NBAS: variants seen among roughly 807,000 people sequenced by gnomAD.
NBAS encodes NAG/BC035112 fusion.
NBAS carries 219 observed loss-of-function variants against 302.5 expected under a neutral mutation model. That is an observed-to-expected ratio of 0.72 (90% CI 0.65 to 0.81). The LOEUF is 0.81. NBAS is among the 30% of genes least tolerant of loss of function. The pLI is 0.00. For synonymous variants in NBAS, 1,118 were observed against 1,021.6 expected, an observed-to-expected ratio of 1.09 and a Z score of -1.80; for missense variants, 2,932 against 2,841.6, an observed-to-expected ratio of 1.03 and a Z score of -0.72.
At chr2:15,479,818 G>T (rs1368272327) in intron 12 of NBAS, among the ~76,000 whole-genome samples, 3 of 152,138 alleles carry the variant, frequency 2.0e-5, no homozygotes, top group African/African-American at 7.2e-5. Flanking sequence ...GTGAAGATGT[G>T]TTCTTCTGTT....
chr2:15,041,035 A>G, the NBAS span, among the ~76,000 whole-genome samples: 8 of 152,274 alleles, frequency 5.3e-5, no homozygotes, highest in African/African-American at 1.9e-4. Flanking sequence ...CCAAAGCTCA[A>G]CTGTGATCAC....
rs1671129088 is a variant in NBAS, at chr2:15,308,476, G to T, written c.4660-123C>A. The T allele has an allele frequency of 4.9e-6, 6 of 1,214,114 alleles. No individual in the cohort carries two copies. In the South Asian group the frequency reaches 8.0e-5, roughly 16 times the overall value. The allele number at this position is 1,214,114 out of a possible 1,614,324, so 75.2% of individuals were successfully genotyped here. A position where few individuals can be genotyped will look rare whatever the true frequency, so the allele number is the denominator to read the frequency against. On this transcript the variant is annotated intron_variant, in intron 39 of 51. Transcript: ENST00000281513. ...CAAAGTTCCCATTACATCAACTCAA[G>T]CTCAAGATCAACTTAATAATGACTA...
intron 38 of NBAS, among the ~76,000 whole-genome samples, chr2:15,326,627 T>C (rs554391647): frequency 2.0e-4 from 31 of 152,270 alleles, no homozygotes; most frequent in East Asian, 1.9e-4. Context: ...ATTTCAACTG[T>C]AATTGTAATA....
intron 44 of NBAS, among the ~76,000 whole-genome samples, chr2:15,250,660 G>A (rs1389747966): frequency 6.6e-6 from 1 of 152,176 alleles, no homozygotes; most frequent in Non-Finnish European, 1.5e-5. Context: ...GATATGAACA[G>A]ACACATCTCA....
At chr2:15,204,609 C>A (rs1666051758) in intron 48 of NBAS, among the ~76,000 whole-genome samples, 1 of 152,096 alleles carries the variant, frequency 6.6e-6, no homozygotes, top group African/African-American at 2.4e-5. Context: ...GGAACCAACC[C>A]AAATGTCTAC....
rs1436952190 is a variant in NBAS, at chr2:15,541,954, G to A, written c.380-2598C>T. Among the ~76,000 whole-genome samples the A allele has an allele frequency of 4.2e-3, 302 of 72,558 alleles. 94 individuals are homozygous for A. The highest frequency in any genetic ancestry group is 8.5e-3 in the Non-Finnish European group (262 of 30,724). The allele number at this position is 72,558 out of a possible 152,430, so 47.6% of individuals were successfully genotyped here. A position where few individuals can be genotyped will look rare whatever the true frequency, so the allele number is the denominator to read the frequency against. On this transcript the variant is annotated intron_variant, in intron 6 of 51. Transcript: ENST00000281513. ...CAGCCGCCCCGTCCGGGAGGGAGGT[G>A]GGGGGGTCAGCCCCCCGACCGGCCA...
chr2:15,080,198 G>A, the NBAS span, among the ~76,000 whole-genome samples: 4 of 152,146 alleles, frequency 2.6e-5, no homozygotes, highest in South Asian at 2.1e-4. Flanking sequence ...AAGACTCATG[G>A]CTGAAAGAAG....
At chr2:15,470,948 G>T (rs147929053) in intron 16 of NBAS, among the ~76,000 whole-genome samples, 375 of 152,012 alleles carry the variant, frequency 2.5e-3, no homozygotes, top group African/African-American at 8.0e-3. Flanking sequence ...GCAAAAAAAA[G>T]CAAAACTCCA....
At chr2:15,194,000 CA>C (rs1368903557) in intron 48 of NBAS, among the ~76,000 whole-genome samples, 17 of 146,290 alleles carry the variant, frequency 1.2e-4, no homozygotes, top group South Asian at 4.4e-4. Flanking sequence ...TCTCTCCAGC[CA>C]AAAAAAAAAT....
At chr2:15,420,484 T>C (rs958059251) in intron 23 of NBAS, among the ~76,000 whole-genome samples, 3 of 152,206 alleles carry the variant, frequency 2.0e-5, no homozygotes, top group Admixed American at 2.0e-4. Flanking sequence ...GAGAATATGG[T>C]TCTTTTTTTT....
At chr2:15,176,364 G>T (rs1045958460) in intron 51 of NBAS, among the ~76,000 whole-genome samples, 1 of 152,162 alleles carries the variant, frequency 6.6e-6, no homozygotes, top group Non-Finnish European at 1.5e-5. Context: ...GAAGGTGGCT[G>T]TGGCTATAAA....
At chr2:14,986,157 G>C in the NBAS span, among the ~76,000 whole-genome samples, 1 of 151,772 alleles carries the variant, frequency 6.6e-6, no homozygotes, top group Non-Finnish European at 1.5e-5. Context: ...AAATATCCCA[G>C]AGCAAAATTA....
At chr2:15,535,387 T>C (rs2148682135) in intron 8 of NBAS, among the ~76,000 whole-genome samples, 1 of 152,094 alleles carries the variant, frequency 6.6e-6, no homozygotes, top group African/African-American at 2.4e-5. Flanking sequence ...CCAGGTTTGG[T>C]GGCGGGCACC....
intron 32 of NBAS, 44 bp from the exon 33 acceptor site, chr2:15,356,460 T>C: frequency 7.7e-7 from 1 of 1,304,560 alleles, no homozygotes; most frequent in Non-Finnish European, 1.1e-6. Context: ...ACAAGCAACG[T>C]CAATTGATAG....
the NBAS span, among the ~76,000 whole-genome samples, chr2:15,147,290 A>G: frequency 6.6e-6 from 1 of 152,084 alleles, no homozygotes; most frequent in African/African-American, 2.4e-5. Flanking sequence ...TTCAGAGAGG[A>G]CTGATTAGAA....
chr2:15,391,435 A>AG (rs1675599432), intron 28 of NBAS, among the ~76,000 whole-genome samples: 2 of 152,084 alleles, frequency 1.3e-5, no homozygotes, highest in African/African-American at 4.8e-5. Flanking sequence ...GAGACATGAG[A>AG]GAAAAAAAGA....
Position 15,234,712 on chromosome 2 carries a change from C to A in NBAS, c.5979G>T (p.Leu1993=), listed in dbSNP as rs775045093. The A allele has an allele frequency of 1.9e-5, 31 of 1,613,984 alleles. No homozygotes were observed. Among genetic ancestry groups the A allele is most frequent in the Admixed American group, 1.3e-4 (8 of 60,008 alleles). Residue 1993 remains leucine, a synonymous_variant, in exon 46 of 52, where the codon CTG becomes CTT. Coordinates refer to ENST00000281513, the MANE Select transcript of NBAS (RefSeq NM_015909.4). ...GAAGTTTCTCTTTTTCTGATCGGGA[C>A]AGATCATAGAGGTGACTGTATTTTT... ...TLQKYSHLYD[L]SRSEKEKLHD...
the NBAS span, among the ~76,000 whole-genome samples, chr2:14,980,759 A>ATTCT: frequency 6.6e-6 from 1 of 152,252 alleles, no homozygotes; most frequent in African/African-American, 2.4e-5. Flanking sequence ...ATATAAAAGA[A>ATTCT]ACAATCAATT....
At chr2:14,998,573 T>C in the NBAS span, among the ~76,000 whole-genome samples, 1 of 152,192 alleles carries the variant, frequency 6.6e-6, no homozygotes. Context: ...ATGTACAAAT[T>C]GGGGGAAACA....
Sources: gnomAD v4.1 joint callset for allele counts (sites outside exome capture counted in the v4.1 genomes callset) on GRCh38, gnomAD v4.1.1 for gene constraint, MANE v1.5 for transcripts, NCBI Gene and HGNC (gene_info 2026-07-23, HGNC 2026-07-21) for gene names.